The following DNAH17 variants were observed in gnomAD, a reference collection of about 807,000 sequenced individuals.
The protein encoded by DNAH17 is axonemal beta dynein heavy chain 17.
DNAH17 carries 376 observed loss-of-function variants against 485.6 expected under a neutral mutation model. The ratio of observed to expected loss-of-function variants is 0.77; its 90% confidence interval spans 0.71 to 0.84. The LOEUF (loss-of-function observed/expected upper bound fraction) is 0.84. Among genes scored for constraint, DNAH17 ranks in the 40% least tolerant of loss-of-function variants. The pLI is 0.00. For synonymous variants in DNAH17, 3,031 were observed against 2,405.9 expected (o/e 1.26, Z -7.60); for missense variants, 6,370 against 5,839.3 (o/e 1.09, Z -2.96).
At position 78,454,437 on chromosome 17, in the gene DNAH17, G is replaced by C. The variant is rs374342904; in HGVS notation, c.10406+33C>G. 26 of 1,567,362 alleles carry C rather than the reference G, an allele frequency of 1.7e-5. No homozygotes were observed. The Middle Eastern group carries it at 5.0e-4, about 30-fold the overall frequency. ...CTAAGGCGTGCTTCCAAGCAGAGCC[G>C]GGCTTCGGCCCAGGTCCTGCGCCCG... On this transcript the variant is annotated intron_variant, in intron 64 of 80. Coordinates refer to ENST00000389840, the MANE Select transcript of DNAH17 (RefSeq NM_173628.4).
At chr17:78,517,664 C>T (rs186201175) in intron 25 of DNAH17, among the ~76,000 whole-genome samples, 28 of 152,358 alleles carry the variant, frequency 1.8e-4, no homozygotes, top group Admixed American at 1.8e-3. Flanking sequence ...TCTCCACAAC[C>T]TACCCAAATT....
intron 53 of DNAH17, 47 bp from the exon 54 acceptor site, chr17:78,475,516 C>T (rs1359991113): frequency 6.2e-7 from 1 of 1,611,626 alleles, no homozygotes; most frequent in Non-Finnish European, 8.5e-7. Context: ...CACCTGGAAT[C>T]ACCTCTGTCA....
rs965090348 is a variant in DNAH17 at position 78,459,045 on chromosome 17, C to A, written c.9817G>T (p.Ala3273Ser). 6.2e-7 allele frequency: 1 copy of A among 1,613,934 alleles called. No homozygotes were observed. The highest frequency in any genetic ancestry group is 1.3e-5 in the African/African-American group (1 of 74,946). Residue 3273 changes from alanine (A) to serine (S), a missense_variant, in exon 61 of 81, where the codon GCA (alanine) becomes TCA (serine). Transcript: ENST00000389840. ...QALEEANAEL[A>S]EAQEKLSRIK... ...CGGGACAGCTTCTCTTGTGCCTCTG[C>A]CAGCTCTGCATTAGCCTCCTCCAGT...
At chr17:78,487,456 C>G (rs2089661510) in intron 44 of DNAH17, among the ~76,000 whole-genome samples, 1 of 152,198 alleles carries the variant, frequency 6.6e-6, no homozygotes, top group African/African-American at 2.4e-5. Flanking sequence ...ATGCCCAGGG[C>G]CTAAGCAGGA....
At position 78,458,735 on chromosome 17, in the gene DNAH17, C is replaced by CCTGCAG. The variant is rs1598483301; in HGVS notation, c.9862-61_9862-56dup. On this transcript the variant is annotated intron_variant, in intron 61 of 80. Transcript: ENST00000389840. Reference sequence around the variant, plus strand: ...AAACCCCACGAGGCATCTCTAGCCCCCTGCAGCGGCAGCAGGGCTGGGCCC... The same window carrying CCTGCAG: ...AAACCCCACGAGGCATCTCTAGCCCCCTGCAGCTGCAGCGGCAGCAGGGCTGGGCCC... 3 of 1,477,754 alleles carry CCTGCAG rather than the reference C, an allele frequency of 2.0e-6. No individual in the cohort carries two copies. In the East Asian group the frequency reaches 6.8e-5, roughly 33 times the overall value. 91.5% of individuals were successfully genotyped at this position (1,477,754 alleles called of 1,614,324 possible).
chr17:78,491,947 G>T (rs1047223495), intron 42 of DNAH17, among the ~76,000 whole-genome samples: 1 of 152,202 alleles, frequency 6.6e-6, no homozygotes, highest in African/African-American at 2.4e-5. Context: ...CACGCTTCAT[G>T]CGTCAGGCAT....
At chr17:78,461,729 A>C (rs1229144177) in intron 57 of DNAH17, 21 bp from the exon 58 acceptor site, 2 of 1,602,722 alleles carry the variant, frequency 1.2e-6, no homozygotes, top group African/African-American at 2.7e-5. Flanking sequence ...AGAAACCGAG[A>C]AACAGCAAGT....
At chr17:78,545,048 G>A (rs996439031) in intron 16 of DNAH17, among the ~76,000 whole-genome samples, 12 of 151,342 alleles carry the variant, frequency 7.9e-5, no homozygotes, top group African/African-American at 2.7e-4. Context: ...CCTCACGGCT[G>A]CCTCTGTCAC....
Position 78,494,742 on chromosome 17 carries a change from G to A in DNAH17, c.6121C>T (p.Arg2041Trp), listed in dbSNP as rs1316387389. 19 of 1,613,690 alleles carry A rather than the reference G, an allele frequency of 1.2e-5. 1 individual carries two copies. The highest frequency in any genetic ancestry group is 1.6e-4 in the Middle Eastern group (1 of 6,062). Residue 2041 changes from arginine to tryptophan, a missense_variant, in exon 40 of 81, where the codon CGG becomes TGG. Coordinates refer to ENST00000389840, the MANE Select transcript of DNAH17 (RefSeq NM_173628.4). ...CGCATGAGCACCTGGTCCTCTGCCC[G>A]GCTGGGGTCGCCCCTCTTCAGGGAG... ...AGSLKRGDPS[R>W]AEDQVLMRAL...
intron 11 of DNAH17, among the ~76,000 whole-genome samples, chr17:78,562,324 C>A (rs557603040): frequency 6.6e-6 from 1 of 152,194 alleles, no homozygotes; most frequent in Admixed American, 6.5e-5. Flanking sequence ...TGGCTCACAC[C>A]TGTTATTCCA....
chr17:78,539,954 T>A, intron 17 of DNAH17, 74 bp from the exon 18 acceptor site: 1 of 1,406,110 alleles, frequency 7.1e-7, no homozygotes. Flanking sequence ...GTTTAGTGCC[T>A]CTCTGGACCG....
intron 48 of DNAH17, among the ~76,000 whole-genome samples, chr17:78,483,017 G>A (rs940081568): frequency 1.3e-5 from 2 of 152,166 alleles, no homozygotes; most frequent in Non-Finnish European, 2.9e-5. Flanking sequence ...AGGCTGAGCC[G>A]CCACAGCCCT....
At chr17:78,501,632 T>G (rs2090293881) in intron 34 of DNAH17, 110 bp downstream of exon 34, 4 of 1,448,462 alleles carry the variant, frequency 2.8e-6, no homozygotes, top group Admixed American at 2.0e-5. Flanking sequence ...AGCAACAGAG[T>G]CAGTGCCCCA....
At position 78,574,770 on chromosome 17, in the gene DNAH17, G is replaced by A; in HGVS notation, c.288C>T (p.Leu96=). The A allele has an allele frequency of 1.2e-6, 2 of 1,613,894 alleles. No homozygotes were observed. The highest frequency in any genetic ancestry group is 1.7e-6 in the Non-Finnish European group (2 of 1,179,814). ...NINKDNYRAR[L]LYGDISPTPV... ...GTGTGGGGCTGATGTCGCCGTAAAG[G>A]AGCCGGGCCCTGTAGTTGTCCTTGT... Residue 96 remains leucine (L), a synonymous_variant, in exon 2 of 81, where the codon CTC becomes CTT. Coordinates refer to ENST00000389840, the MANE Select transcript of DNAH17 (RefSeq NM_173628.4).
intron 25 of DNAH17, among the ~76,000 whole-genome samples, chr17:78,520,663 A>AAAC (rs2090910827): frequency 6.6e-6 from 1 of 152,254 alleles, no homozygotes; most frequent in Non-Finnish European, 1.5e-5. Flanking sequence ...ATGAGGTATA[A>AAAC]ATGTAACAAA....
rs16971526 is a variant in DNAH17, at chr17:78,551,552, T to C, written c.2374A>G (p.Ile792Val). The C allele has an allele frequency of 0.13, 203,350 of 1,613,486 alleles. 13,605 individuals are homozygous for C. The highest frequency in any genetic ancestry group is 0.19 in the South Asian group (17,128 of 91,066). ...TTGCTTACCTTCATAGCCTGGGAAATTCCTTCTATATTTTGTTTTGCCTTT... is the reference window on the plus strand; with the variant it reads ...TTGCTTACCTTCATAGCCTGGGAAACTCCTTCTATATTTTGTTTTGCCTTT... The part of the protein sequence containing the change: ...MQKAKQNIEG[I>V]SQAMKDWSAN... The change falls in exon 16 of 81, where the codon ATT becomes GTT. Residue 792 changes from isoleucine to valine, a missense_variant. Transcript: ENST00000389840.
chr17:78,529,752 G>A (rs1359327414), intron 21 of DNAH17, 58 bp from the exon 22 acceptor site: 11 of 1,552,164 alleles, frequency 7.1e-6, no homozygotes, highest in African/African-American at 6.8e-5. Context: ...CACCCTTGAT[G>A]GTACGGAGCC....
At chr17:78,565,227 A>C (rs1212830477) in intron 11 of DNAH17, among the ~76,000 whole-genome samples, 1 of 152,224 alleles carries the variant, frequency 6.6e-6, no homozygotes, top group African/African-American at 2.4e-5. Context: ...ATAAATCGTG[A>C]GTAAGGTCTG....
intron 12 of DNAH17, among the ~76,000 whole-genome samples, chr17:78,561,338 G>A (rs1247311830): frequency 6.6e-6 from 1 of 151,832 alleles, no homozygotes; most frequent in Non-Finnish European, 1.5e-5. Flanking sequence ...CCAAGCCGGG[G>A]CTCCCCTGCA....
Sources: gnomAD v4.1 joint callset for allele counts (sites outside exome capture counted in the v4.1 genomes callset) on GRCh38, gnomAD v4.1.1 for gene constraint, MANE v1.5 for transcripts, NCBI Gene and HGNC (gene_info 2026-07-23, HGNC 2026-07-21) for gene names.